Variants in GAREM1 observed in about 807,000 individuals in gnomAD.
The protein encoded by GAREM1 is GRB2-associated and regulator of MAPK protein 1.
In GAREM1, 26 loss-of-function variants were observed where a neutral mutation model predicts 71.3. The ratio of observed to expected loss-of-function variants is 0.36; its 90% CI spans 0.27 to 0.51. The LOEUF is 0.51. GAREM1 is among the 20% of genes least tolerant of loss of function. The probability of loss-of-function intolerance (pLI) is 0.95; values close to 1 mark genes in which losing one functional copy is unlikely to be tolerated. For missense variants in GAREM1, 1,026 were observed against 1,103.1 expected (o/e 0.93, Z 0.99); for synonymous variants, 440 against 433.2 (o/e 1.02, Z -0.20).
chr18:32,450,952 G>T (rs531891451), intron 1 of GAREM1, among the ~76,000 whole-genome samples: 1 of 152,008 alleles, frequency 6.6e-6, no homozygotes, highest in East Asian at 2.0e-4. Context: ...ATTGAGACCA[G>T]CCTTGGCAAC....
chr18:32,286,278 T>C (rs544219744), intron 4 of GAREM1, among the ~76,000 whole-genome samples: 1 of 152,170 alleles, frequency 6.6e-6, no homozygotes, highest in African/African-American at 2.4e-5. Context: ...GAATGAGTTA[T>C]GTTTAAGGTG....
intron 1 of GAREM1, among the ~76,000 whole-genome samples, chr18:32,446,934 T>G (rs1051860304): frequency 2.6e-5 from 4 of 152,178 alleles, no homozygotes; most frequent in African/African-American, 9.7e-5. Context: ...CTCCAAACAG[T>G]AACTGAGCAG....
chr18:32,354,179 G>A (rs941538086), intron 2 of GAREM1, among the ~76,000 whole-genome samples: 2 of 152,108 alleles, frequency 1.3e-5, no homozygotes, highest in South Asian at 2.1e-4. Flanking sequence ...TATATCATAC[G>A]CAAAACAAAA....
chr18:32,308,023 A>T (rs1157474918), intron 3 of GAREM1, among the ~76,000 whole-genome samples: 2 of 152,196 alleles, frequency 1.3e-5, no homozygotes, highest in African/African-American at 4.8e-5. Flanking sequence ...TTTGAACAGA[A>T]TTGAATAATG....
chr18:32,404,490 C>T (rs1194173412), intron 1 of GAREM1, among the ~76,000 whole-genome samples: 1 of 150,976 alleles, frequency 6.6e-6, no homozygotes, highest in African/African-American at 2.4e-5. Flanking sequence ...AAAGAAAAGG[C>T]AAGTATATAT....
intron 2 of GAREM1, among the ~76,000 whole-genome samples, chr18:32,318,926 C>A: frequency 6.6e-6 from 1 of 151,888 alleles, no homozygotes; most frequent in East Asian, 1.9e-4. Context: ...GACCAGAACA[C>A]CAAAGAAACC....
intron 1 of GAREM1, among the ~76,000 whole-genome samples, chr18:32,441,524 C>T (rs1439375041): frequency 6.6e-6 from 1 of 152,190 alleles, no homozygotes; most frequent in South Asian, 2.1e-4. Flanking sequence ...CTGCAACATA[C>T]TATATTCAAG....
At chr18:32,389,546 C>A (rs1201584507) in intron 2 of GAREM1, among the ~76,000 whole-genome samples, 1 of 152,044 alleles carries the variant, frequency 6.6e-6, no homozygotes, top group Non-Finnish European at 1.5e-5. Context: ...TGTTTGATTA[C>A]AAAGCTGGTG....
rs1250589622 is a variant in GAREM1 at position 32,364,008 on chromosome 18, ATATATATATATATATATATGTTTTT to A, written c.262+28862_262+28886del. 7.4e-3 allele frequency among the ~76,000 whole-genome samples: 326 copies of A among 43,840 alleles called. 8 individuals carry two copies. The highest frequency in any genetic ancestry group is 0.045 in the African/African-American group (311 of 6,964). The allele number at this position is 43,840 out of a possible 152,430, so 28.8% of individuals were successfully genotyped here. On this transcript the variant is annotated intron_variant, in intron 2 of 5. Transcript: ENST00000269209. Reference sequence around the variant, plus strand: ...AATACATATATACATATATATATATATATATATATATATATATATGTTTTTTTTTTTTTTTTTTTTTTGTGAGACA... The same window carrying A: ...AATACATATATACATATATATATATATTTTTTTTTTTTTTTTTGTGAGACA...
chr18:32,311,309 T>C (rs1209840197), intron 2 of GAREM1, among the ~76,000 whole-genome samples: 2 of 152,084 alleles, frequency 1.3e-5, no homozygotes, highest in Non-Finnish European at 2.9e-5. Flanking sequence ...CATGGGAAAA[T>C]CTCTCAGGCA....
Position 32,470,727 on chromosome 18 carries a change from G to C in GAREM1, c.-299C>G, listed in dbSNP as rs2049046807. On this transcript the variant is annotated 5_prime_UTR_variant, in exon 1 of 6. Transcript: ENST00000269209. The surrounding 1 kb of genome is among the most constrained non-coding windows in gnomAD (Gnocchi z 4.4). Reference sequence around the variant, plus strand: ...GGCGGCGGCCCGGGTGGCTGCGGCGGCTCCCGCTCCGCCTCCTCCTCTGGC... The same window carrying C: ...GGCGGCGGCCCGGGTGGCTGCGGCGCCTCCCGCTCCGCCTCCTCCTCTGGC... Among the ~76,000 whole-genome samples, 1 of 149,626 alleles carries C rather than the reference G, an allele frequency of 6.7e-6. No individual in the cohort carries two copies. Among genetic ancestry groups the C allele is most frequent in the African/African-American group, 2.4e-5 (1 of 41,168 alleles).
At chr18:32,378,343 T>C (rs1216448467) in intron 2 of GAREM1, among the ~76,000 whole-genome samples, 1 of 151,458 alleles carries the variant, frequency 6.6e-6, no homozygotes, top group Non-Finnish European at 1.5e-5. Context: ...CCATTAAAAA[T>C]ACAAAAATTA....
chr18:32,381,024 C>T (rs927530623), intron 2 of GAREM1, among the ~76,000 whole-genome samples: 3 of 151,578 alleles, frequency 2.0e-5, no homozygotes, highest in African/African-American at 7.3e-5. Context: ...AGAATTCCTC[C>T]TACTAGATGC....
At chr18:32,405,257 G>A (rs2048354529) in intron 1 of GAREM1, among the ~76,000 whole-genome samples, 1 of 151,822 alleles carries the variant, frequency 6.6e-6, no homozygotes, top group East Asian at 1.9e-4. Context: ...CAAGTGCAGT[G>A]GTGCGATCTT....
intron 4 of GAREM1, among the ~76,000 whole-genome samples, chr18:32,284,918 T>C (rs2046996877): frequency 6.6e-6 from 1 of 151,728 alleles, no homozygotes; most frequent in South Asian, 2.1e-4. Context: ...CCCAGCTAAT[T>C]TGTTGTATTT....
intron 1 of GAREM1, among the ~76,000 whole-genome samples, chr18:32,395,385 A>G (rs1277945667): frequency 1.3e-5 from 2 of 152,254 alleles, no homozygotes; most frequent in African/African-American, 2.4e-5. Context: ...GGGAGAAGAC[A>G]GCCAATACCA....
intron 1 of GAREM1, among the ~76,000 whole-genome samples, chr18:32,419,332 A>G (rs1009442093): frequency 5.9e-5 from 9 of 152,262 alleles, no homozygotes; most frequent in Middle Eastern, 6.8e-3. Context: ...GTTTTCTCCC[A>G]AAGTGCATGT....
intron 2 of GAREM1, among the ~76,000 whole-genome samples, chr18:32,328,826 T>TAA: frequency 6.6e-6 from 1 of 152,146 alleles, no homozygotes; most frequent in Non-Finnish European, 1.5e-5. Context: ...GATTAAGGAT[T>TAA]TTCTGTTCAA....
intron 1 of GAREM1, among the ~76,000 whole-genome samples, chr18:32,427,431 A>C (rs1291374290): frequency 1.3e-5 from 2 of 152,188 alleles, no homozygotes; most frequent in African/African-American, 4.8e-5. Flanking sequence ...TGGAGAGAGA[A>C]CCAGGAATGT....
Sources: gnomAD v4.1 joint callset for allele counts (sites outside exome capture counted in the v4.1 genomes callset) on GRCh38, gnomAD v4.1.1 for gene constraint, Gnocchi (gnomAD v3.1) non-coding constraint, MANE v1.5 for transcripts, NCBI Gene and HGNC (gene_info 2026-07-23, HGNC 2026-07-21) for gene names.